PACS1: variants seen among roughly 807,000 people sequenced by gnomAD.
PACS1 encodes PACS-1.
A neutral mutation model predicts 115.0 loss-of-function variants in PACS1; 24 were observed. That is an observed-to-expected ratio of 0.21 (90% CI 0.15 to 0.29). PACS1 has a LOEUF of 0.29. PACS1 is among the 10% of genes least tolerant of loss of function. The pLI, the probability that PACS1 is intolerant of heterozygous loss-of-function variation, is 1.00. For synonymous variants in PACS1, 453 were observed against 504.5 expected, an observed-to-expected ratio of 0.90 and a Z score of 1.37; for missense variants, 838 against 1,251.2, an observed-to-expected ratio of 0.67 and a Z score of 4.98.
chr11:66,089,960 C>G (rs186486592), intron 1 of PACS1, among the ~76,000 whole-genome samples: 1 of 142,196 alleles, frequency 7.0e-6, no homozygotes, highest in Admixed American at 7.4e-5. Context: ...GAGCCAAGAT[C>G]GCGCCACTGC....
chr11:66,200,000 C>G (rs1213192124), intron 2 of PACS1, among the ~76,000 whole-genome samples: 1 of 147,828 alleles, frequency 6.8e-6, no homozygotes, highest in Non-Finnish European at 1.5e-5. Context: ...ACCCAGGCAA[C>G]TGTGCGAGAC....
chr11:66,092,911 T>G (rs1030579064), intron 1 of PACS1, among the ~76,000 whole-genome samples: 28 of 152,234 alleles, frequency 1.8e-4, no homozygotes, highest in African/African-American at 6.8e-4. Context: ...CTGTTTCGGT[T>G]ACTGTAGCCT....
At chr11:66,183,536 C>G (rs1344533476) in intron 1 of PACS1, among the ~76,000 whole-genome samples, 1 of 152,182 alleles carries the variant, frequency 6.6e-6, no homozygotes, top group African/African-American at 2.4e-5. Context: ...AGGAGTAATC[C>G]AGGTCACTTG....
At position 66,112,572 on chromosome 11, in the gene PACS1, G is replaced by A. The variant is rs78543720; in HGVS notation, c.356+41730G>A. On this transcript the variant is annotated intron_variant, in intron 1 of 23. Coordinates refer to ENST00000320580, the MANE Select transcript of PACS1 (RefSeq NM_018026.4). The stretch of plus-strand genomic sequence containing the variant: ...TTTTGTTTGTGTGTTTTACAGGAGA[G>A]GGGTTATATCTGTCTCGTTCATGAC... Among the ~76,000 whole-genome samples the A allele has an allele frequency of 8.3e-3, 1,266 of 152,256 alleles. 86 individuals carry two copies. In the East Asian group the frequency reaches 0.17, roughly 21 times the overall value.
chr11:66,115,002 A>G (rs1347812158), intron 1 of PACS1, among the ~76,000 whole-genome samples: 1 of 151,840 alleles, frequency 6.6e-6, no homozygotes, highest in African/African-American at 2.4e-5. Context: ...CCCAGGAGTC[A>G]GAGACCAGCC....
rs552612643 is a variant in PACS1 at position 66,132,856 on chromosome 11, C to T, written c.357-60630C>T. ...GCTAATTTTGTATTTTTAGTAGAGA[C>T]GGAGTTTCACCATGTTGGCCAGGCT... On this transcript the variant is annotated intron_variant, in intron 1 of 23. Transcript: ENST00000320580. Among the ~76,000 whole-genome samples, 961 of 152,262 alleles carry T rather than the reference C, an allele frequency of 6.3e-3. 6 individuals carry two copies. The highest frequency in any genetic ancestry group is 8.7e-3 in the Non-Finnish European group (595 of 68,020).
At chr11:66,185,153 G>A (rs764807086) in intron 1 of PACS1, among the ~76,000 whole-genome samples, 1 of 152,264 alleles carries the variant, frequency 6.6e-6, no homozygotes, top group African/African-American at 2.4e-5. Flanking sequence ...AAAAGTAAGC[G>A]GTGAGAGCAG....
intron 1 of PACS1, among the ~76,000 whole-genome samples, chr11:66,078,692 C>CA (rs2134497644): frequency 1.3e-5 from 2 of 152,038 alleles, no homozygotes; most frequent in African/African-American, 4.8e-5. Flanking sequence ...TAGCTGGAAC[C>CA]ACAGGCACAT....
At chr11:66,217,894 C>T (rs1855250511) in intron 7 of PACS1, 1 of 267,058 alleles carries the variant, frequency 3.7e-6, no homozygotes. Context: ...CGGGTGCCCC[C>T]AGAGCTTCAT....
intron 1 of PACS1, among the ~76,000 whole-genome samples, chr11:66,167,825 C>T (rs1034028928): frequency 1.3e-5 from 2 of 150,114 alleles, no homozygotes; most frequent in African/African-American, 5.1e-5. Flanking sequence ...TATTTCTGGG[C>T]ACTCTATTCT....
chr11:66,083,054 C>T (rs1297653884), intron 1 of PACS1, among the ~76,000 whole-genome samples: 1 of 152,070 alleles, frequency 6.6e-6, no homozygotes, highest in Non-Finnish European at 1.5e-5. Context: ...TGGAATGGGG[C>T]AGTGTAATAT....
At chr11:66,203,477 T>G (rs1854864000) in intron 2 of PACS1, among the ~76,000 whole-genome samples, 1 of 106,974 alleles carries the variant, frequency 9.3e-6, no homozygotes, top group Non-Finnish European at 1.9e-5. Flanking sequence ...ACCAATGACA[T>G]TCTTCACAGA....
intron 1 of PACS1, among the ~76,000 whole-genome samples, chr11:66,161,437 A>G (rs757414792): frequency 1.3e-5 from 2 of 152,216 alleles, no homozygotes; most frequent in Non-Finnish European, 2.9e-5. Context: ...TGAGGGACAG[A>G]GCAAGAATCT....
At chr11:66,133,639 A>G (rs1283021361) in intron 1 of PACS1, among the ~76,000 whole-genome samples, 2 of 152,148 alleles carry the variant, frequency 1.3e-5, no homozygotes, top group Non-Finnish European at 2.9e-5. Context: ...GGTAGCAGGA[A>G]CTATAGGCAC....
chr11:66,079,146 C>T (rs933526299), intron 1 of PACS1, among the ~76,000 whole-genome samples: 3 of 152,134 alleles, frequency 2.0e-5, no homozygotes, highest in African/African-American at 7.2e-5. Context: ...GACCTCAAGC[C>T]CGCGTCAGCA....
At chr11:66,178,217 C>T (rs1859918430) in intron 1 of PACS1, among the ~76,000 whole-genome samples, 4 of 150,048 alleles carry the variant, frequency 2.7e-5, no homozygotes. Flanking sequence ...CCTTTTTTCT[C>T]ATTCCTTTCC....
At chr11:66,087,443 ATGT>A (rs1368779385) in intron 1 of PACS1, among the ~76,000 whole-genome samples, 2 of 152,102 alleles carry the variant, frequency 1.3e-5, no homozygotes, top group Non-Finnish European at 2.9e-5. Context: ...GGGTTTCACC[ATGT>A]TGGCCAGGCT....
chr11:66,117,502 T>C (rs1404657875), intron 1 of PACS1, among the ~76,000 whole-genome samples: 2 of 148,806 alleles, frequency 1.3e-5, no homozygotes, highest in Non-Finnish European at 3.0e-5. Context: ...AAGAAAAGGT[T>C]AAGGACCCCT....
intron 1 of PACS1, among the ~76,000 whole-genome samples, chr11:66,139,764 A>G (rs1481284974): frequency 6.6e-6 from 1 of 152,198 alleles, no homozygotes; most frequent in Non-Finnish European, 1.5e-5. Context: ...GTTGATAGAC[A>G]CTTGCTTTCA....
Sources: gnomAD v4.1 joint callset for allele counts (sites outside exome capture counted in the v4.1 genomes callset) on GRCh38, gnomAD v4.1.1 for gene constraint, MANE v1.5 for transcripts, NCBI Gene and HGNC (gene_info 2026-07-23, HGNC 2026-07-21) for gene names.